Variants in EML6 observed in about 807,000 individuals in gnomAD.
EML6 encodes the protein echinoderm microtubule-associated protein-like 6.
EML6 carries 154 observed loss-of-function variants against 240.1 expected under a neutral mutation model. That is an observed-to-expected ratio of 0.64 (90% CI 0.56 to 0.73). The LOEUF (loss-of-function observed/expected upper bound fraction) is 0.73. EML6 is among the 30% of genes least tolerant of loss of function. The pLI, the probability that EML6 is intolerant of heterozygous loss-of-function variation, is 0.00. For missense variants in EML6, 2,964 were observed against 2,474.6 expected (o/e 1.20, Z -4.20); for synonymous variants, 1,148 against 899.0 (o/e 1.28, Z -4.95).
At chr2:54,901,828 G>A (rs192555015) in intron 22 of EML6, among the ~76,000 whole-genome samples, 41 of 152,316 alleles carry the variant, frequency 2.7e-4, no homozygotes, top group African/African-American at 8.4e-4. Context: ...TACAACGCTC[G>A]ACAATAAGAA....
At chr2:54,805,514 C>G (rs1271926291) in intron 2 of EML6, among the ~76,000 whole-genome samples, 2 of 152,130 alleles carry the variant, frequency 1.3e-5, no homozygotes, top group Admixed American at 6.5e-5. Context: ...TTCAAGTCTT[C>G]CAGCATATTT....
intron 14 of EML6, chr2:54,867,094 G>C: frequency 2.6e-6 from 1 of 386,274 alleles, no homozygotes; most frequent in African/African-American, 2.0e-5. Context: ...GGCCATCACA[G>C]TGTGATTGTC....
In EML6 at chr2:54,952,574, C is replaced by T. The variant is rs1270865190; in HGVS notation, c.4214-20C>T. ...TCTTTAGGTTCCACTGTTCACCCTC[C>T]CATGATCTCTCTCCCCCAGGGAGCC... On this transcript the variant is annotated intron_variant, in intron 30 of 41. Coordinates refer to ENST00000356458, the MANE Select transcript of EML6 (RefSeq NM_001039753.4). 1 of 1,522,202 alleles carries T rather than the reference C, an allele frequency of 6.6e-7. No homozygotes were observed. The highest frequency in any genetic ancestry group is 8.9e-7 in the Non-Finnish European group (1 of 1,121,150). 94.3% of individuals were successfully genotyped at this position (1,522,202 alleles called of 1,614,324 possible). A position where few individuals can be genotyped will look rare whatever the true frequency, so the allele number is the denominator to read the frequency against.
chr2:54,950,549 C>T (rs1001933683), intron 29 of EML6, 101 bp from the exon 30 acceptor site: 3 of 1,339,800 alleles, frequency 2.2e-6, no homozygotes, highest in Non-Finnish European at 3.0e-6. Context: ...CCAGCCATAC[C>T]GTTCCTGGGA....
chr2:54,875,970 G>A (rs533619281), intron 16 of EML6, among the ~76,000 whole-genome samples: 12 of 152,116 alleles, frequency 7.9e-5, no homozygotes, highest in African/African-American at 2.4e-4. Flanking sequence ...GAAAACCTAC[G>A]CATTTTTTAT....
chr2:54,736,752 T>G (rs1390661040), intron 2 of EML6, among the ~76,000 whole-genome samples: 6 of 152,136 alleles, frequency 3.9e-5, no homozygotes, highest in African/African-American at 1.4e-4. Context: ...CCCCTGGTTT[T>G]CTCTTACCTC....
At chr2:54,918,170 A>C (rs574402003) in intron 26 of EML6, among the ~76,000 whole-genome samples, 1 of 152,140 alleles carries the variant, frequency 6.6e-6, no homozygotes, top group Non-Finnish European at 1.5e-5. Context: ...GTTCCATCCT[A>C]TCTGTATCTT....
chr2:54,744,132 G>T (rs1683788825), intron 2 of EML6, among the ~76,000 whole-genome samples: 1 of 151,376 alleles, frequency 6.6e-6, no homozygotes, highest in South Asian at 2.1e-4. Context: ...GAGAGTTGTG[G>T]GGGGTGGGGG....
At chr2:54,803,290 C>G (rs991912133) in intron 2 of EML6, among the ~76,000 whole-genome samples, 2 of 152,194 alleles carry the variant, frequency 1.3e-5, no homozygotes, top group Admixed American at 6.5e-5. Flanking sequence ...GCCAACTAAA[C>G]TGGTCAATTA....
intron 16 of EML6, among the ~76,000 whole-genome samples, chr2:54,877,467 A>T (rs538189440): frequency 2.0e-5 from 3 of 148,572 alleles, no homozygotes; most frequent in African/African-American, 7.5e-5. Flanking sequence ...CTTAAAAAAA[A>T]GCTTATGATA....
At chr2:54,870,741 T>C (rs1021245228) in intron 15 of EML6, among the ~76,000 whole-genome samples, 1 of 152,184 alleles carries the variant, frequency 6.6e-6, no homozygotes, top group African/African-American at 2.4e-5. Flanking sequence ...AATACTGTAT[T>C]TGATGGAAGG....
At position 54,949,406 on chromosome 2, in the gene EML6, G is replaced by C. The variant is rs116813227; in HGVS notation, c.4083+446G>C. On this transcript the variant is annotated intron_variant, in intron 29 of 41. Transcript: ENST00000356458. ...TTTCATACAATCTTCACACACAGGA[G>C]GGACGCACCATTACTGTTTCCATTT... is the stretch of plus-strand genomic sequence containing the variant. Among the ~76,000 whole-genome samples the C allele has an allele frequency of 4.6e-3, 700 of 152,306 alleles. 5 individuals carry two copies. Among genetic ancestry groups the C allele is most frequent in the African/African-American group, 0.016 (681 of 41,570 alleles).
At chr2:54,965,363 C>G (rs2104549988) in intron 38 of EML6, among the ~76,000 whole-genome samples, 4 of 152,276 alleles carry the variant, frequency 2.6e-5, no homozygotes, top group African/African-American at 9.6e-5. Context: ...GGGCACTATG[C>G]TAGACTTTTA....
At chr2:54,852,554 C>G (rs891745) in intron 10 of EML6, among the ~76,000 whole-genome samples, 1 of 151,946 alleles carries the variant, frequency 6.6e-6, no homozygotes, top group Admixed American at 6.5e-5. Flanking sequence ...CCAAATGCCC[C>G]TGTACTGGTG....
At chr2:54,886,160 C>CTTTTTTTTTTTTT (rs869107962) in intron 17 of EML6, among the ~76,000 whole-genome samples, 7 of 82,216 alleles carry the variant, frequency 8.5e-5, no homozygotes, top group Non-Finnish European at 1.4e-4. Flanking sequence ...TTTTAACCTT[C>CTTTTTTTTTTTTT]TTTTTTTTTT....
At chr2:54,848,362 A>C (rs1339336234) in intron 9 of EML6, among the ~76,000 whole-genome samples, 1 of 152,216 alleles carries the variant, frequency 6.6e-6, no homozygotes, top group Non-Finnish European at 1.5e-5. Flanking sequence ...CTTTGATTGG[A>C]GAATGGTCTT....
intron 2 of EML6, among the ~76,000 whole-genome samples, chr2:54,798,561 G>A (rs964801448): frequency 2.6e-5 from 4 of 152,124 alleles, no homozygotes; most frequent in Non-Finnish European, 2.9e-5. Context: ...GCTATTATAA[G>A]TGGCATTAAA....
chr2:54,921,819 G>A (rs1033453889), intron 26 of EML6, among the ~76,000 whole-genome samples: 10 of 151,856 alleles, frequency 6.6e-5, no homozygotes, highest in African/African-American at 2.4e-4. Context: ...AAAAATATAC[G>A]GTAAGGAGAA....
At chr2:54,894,745 G>A (rs1395006657) in intron 19 of EML6, among the ~76,000 whole-genome samples, 170 bp from the exon 20 acceptor site, 2 of 152,122 alleles carry the variant, frequency 1.3e-5, no homozygotes, top group African/African-American at 2.4e-5. Context: ...TGGGAGAAAT[G>A]CTCCCAAAAA....
Sources: allele counts gnomAD v4.1 joint callset (sites outside exome capture counted in the v4.1 genomes callset), GRCh38; gene constraint gnomAD v4.1.1; transcripts MANE v1.5; gene names NCBI Gene and HGNC (gene_info 2026-07-23, HGNC 2026-07-21).